The following OTUD7A variants were observed in gnomAD, a reference collection of about 807,000 sequenced individuals.
OTUD7A encodes OTU deubiquitinase 7A.
In OTUD7A, 12 loss-of-function variants were observed where a neutral mutation model predicts 65.7. The observed-to-expected ratio is 0.18, with a 90% CI of 0.12 to 0.30. OTUD7A has a LOEUF of 0.30. Among genes scored for constraint, OTUD7A ranks in the 10% least tolerant of loss-of-function variants. The probability of loss-of-function intolerance (pLI) is 1.00; values close to 1 mark genes in which losing one functional copy is unlikely to be tolerated. For synonymous variants in OTUD7A, 641 were observed against 586.3 expected, an observed-to-expected ratio of 1.09 and a Z score of -1.35; for missense variants, 1,148 against 1,304.8, an observed-to-expected ratio of 0.88 and a Z score of 1.85.
At chr15:31,527,377 C>T in intron 6 of OTUD7A, 69 bp from the exon 7 acceptor site, 1 of 1,562,046 alleles carries the variant, frequency 6.4e-7, no homozygotes, top group Non-Finnish European at 8.7e-7. Context: ...AGAGGTGATG[C>T]AAACTACCAC....
intron 1 of OTUD7A, among the ~76,000 whole-genome samples, chr15:31,686,448 C>T (rs990740513): frequency 1.3e-5 from 2 of 152,254 alleles, no homozygotes; most frequent in African/African-American, 4.8e-5. Flanking sequence ...AAGTGAAACT[C>T]AGTGATTTCC....
At position 31,481,636 on chromosome 15, in the gene OTUD7A, A is replaced by C. The variant is rs1282132752; in HGVS notation, c.*1658T>G. 5 of 152,336 alleles carry C rather than the reference A, an allele frequency of 3.3e-5. No individual in the cohort carries two copies. Among genetic ancestry groups the C allele is most frequent in the Non-Finnish European group, 7.3e-5 (5 of 68,044 alleles). The allele number at this position is 152,336 out of a possible 1,614,324, so 9.4% of individuals were successfully genotyped here. A position where few individuals can be genotyped will look rare whatever the true frequency, so the allele number is the denominator to read the frequency against. ...TATGCAAAACTTGAACAAATTACTG[A>C]AAACTCCACCTGCTGTGGAATAATT... On this transcript the variant is annotated 3_prime_UTR_variant, in exon 13 of 13. Coordinates refer to ENST00000307050, the MANE Select transcript of OTUD7A (RefSeq NM_001382637.1).
At position 31,753,721 on chromosome 15, in the gene OTUD7A, TTATATATATATA is replaced by T. The variant is rs149582805; in HGVS notation, c.-99-96656_-99-96645del. Among the ~76,000 whole-genome samples the T allele has an allele frequency of 4.3e-3, 459 of 106,752 alleles. 15 individuals are homozygous for T. The highest frequency in any genetic ancestry group is 5.7e-3 in the Non-Finnish European group (327 of 56,934). 70.0% of individuals were successfully genotyped at this position (106,752 alleles called of 152,430 possible). ...TATATATTATATATATATATATATA[TTATATATATATA>T]TATATATCTCACAGTTTCTTTATCC... On this transcript the variant is annotated intron_variant, in intron 1 of 12. Transcript: ENST00000307050.
chr15:31,488,060 C>A (rs1225083654), intron 10 of OTUD7A, among the ~76,000 whole-genome samples: 2 of 152,094 alleles, frequency 1.3e-5, no homozygotes, highest in Non-Finnish European at 1.5e-5. Context: ...ACCCATGGAC[C>A]CACCCGCCCC....
chr15:31,669,445 G>A (rs1218175822), intron 1 of OTUD7A, among the ~76,000 whole-genome samples: 3 of 152,132 alleles, frequency 2.0e-5, no homozygotes, highest in Non-Finnish European at 4.4e-5. Flanking sequence ...GCCGGCAGTC[G>A]CAGGCCTCAC....
At chr15:31,685,077 G>A (rs1448692861) in intron 1 of OTUD7A, among the ~76,000 whole-genome samples, 1 of 152,184 alleles carries the variant, frequency 6.6e-6, no homozygotes, top group Non-Finnish European at 1.5e-5. Context: ...ATGATTTCTG[G>A]AATCTGTGAT....
intron 1 of OTUD7A, chr15:31,768,323 G>T: frequency 1.6e-6 from 1 of 616,518 alleles, no homozygotes; most frequent in South Asian, 1.9e-5. Context: ...TAGCATAGAG[G>T]GCTGCGTGGA....
intron 3 of OTUD7A, among the ~76,000 whole-genome samples, chr15:31,618,151 G>A (rs1473705105): frequency 2.6e-5 from 4 of 152,014 alleles, no homozygotes; most frequent in Admixed American, 6.5e-5. Context: ...GTGTATATGT[G>A]CCACATTTTC....
At chr15:31,504,676 A>G (rs537462676) in intron 8 of OTUD7A, among the ~76,000 whole-genome samples, 3 of 76,292 alleles carry the variant, frequency 3.9e-5, no homozygotes, top group African/African-American at 6.7e-5. Context: ...TGTTTGAGGA[A>G]TGCTCAGAAT....
At chr15:31,785,025 G>A (rs2140930630) in intron 1 of OTUD7A, among the ~76,000 whole-genome samples, 1 of 152,270 alleles carries the variant, frequency 6.6e-6, no homozygotes, top group Non-Finnish European at 1.5e-5. Context: ...TCTATACCCT[G>A]CAAGTATGGC....
Position 31,765,235 on chromosome 15 carries a change from T to C in OTUD7A, c.-100+105272A>G, listed in dbSNP as rs190223277. Among the ~76,000 whole-genome samples, 476 of 152,066 alleles carry C rather than the reference T, an allele frequency of 3.1e-3. 12 individuals carry two copies. Among genetic ancestry groups the C allele is most frequent in the Admixed American group, 0.029 (436 of 15,290 alleles). On this transcript the variant is annotated intron_variant, in intron 1 of 12. Transcript: ENST00000307050. The stretch of plus-strand genomic sequence containing the variant: ...TATACATATTTTAAAAACACATACA[T>C]ATATATATAAATAGATCAAAAGTGG...
At chr15:31,832,737 T>A (rs1198085751) in intron 1 of OTUD7A, among the ~76,000 whole-genome samples, 3 of 152,228 alleles carry the variant, frequency 2.0e-5, no homozygotes, top group Non-Finnish European at 2.9e-5. Flanking sequence ...CTTAGCATAA[T>A]GTCCTTGAGG....
At chr15:31,763,819 T>C (rs1352529047) in intron 1 of OTUD7A, among the ~76,000 whole-genome samples, 1 of 152,274 alleles carries the variant, frequency 6.6e-6, no homozygotes, top group Middle Eastern at 3.4e-3. Flanking sequence ...GCATTATAAA[T>C]AGGAGAACAA....
At chr15:31,711,237 C>A (rs1322940584) in intron 1 of OTUD7A, among the ~76,000 whole-genome samples, 2 of 152,154 alleles carry the variant, frequency 1.3e-5, no homozygotes, top group East Asian at 1.9e-4. Context: ...TAACAATGAT[C>A]TAGAATCCTA....
chr15:31,487,426 G>C lies in OTUD7A; in HGVS notation c.1286+26C>G, dbSNP rs1446384748. On this transcript the variant is annotated intron_variant, in intron 11 of 12. Coordinates refer to ENST00000307050, the MANE Select transcript of OTUD7A (RefSeq NM_001382637.1). The surrounding 1 kb of genome is among the most constrained non-coding windows in gnomAD (Gnocchi z 6.0). ...GCCATAGCCCTCCCTGTGGGCGCTG[G>C]GGAAAGGGACAGAGTAGGATCTTAC... 6.2e-7 allele frequency: 1 copy of C among 1,609,408 alleles called. No homozygotes were observed. The highest frequency in any genetic ancestry group is 8.5e-7 in the Non-Finnish European group (1 of 1,176,906).
At chr15:31,627,304 T>C (rs1487845820) in intron 3 of OTUD7A, among the ~76,000 whole-genome samples, 1 of 140,824 alleles carries the variant, frequency 7.1e-6, no homozygotes. Flanking sequence ...TGTGTTCTCA[T>C]TGTTCAATTC....
intron 1 of OTUD7A, among the ~76,000 whole-genome samples, chr15:31,735,885 A>G (rs1894176688): frequency 6.6e-6 from 1 of 152,258 alleles, no homozygotes; most frequent in African/African-American, 2.4e-5. Flanking sequence ...CAACCATAAA[A>G]AAGAATGAGA....
At chr15:31,589,924 A>G (rs990311146) in intron 3 of OTUD7A, among the ~76,000 whole-genome samples, 1 of 152,226 alleles carries the variant, frequency 6.6e-6, no homozygotes, top group Admixed American at 6.5e-5. Flanking sequence ...TTCTTATGAT[A>G]AAAGGATAAT....
At chr15:31,515,526 A>G (rs2041832199) in intron 8 of OTUD7A, among the ~76,000 whole-genome samples, 1 of 151,980 alleles carries the variant, frequency 6.6e-6, no homozygotes, top group African/African-American at 2.4e-5. Context: ...CCCTCAGAGA[A>G]CTCTGCCTTC....
Sources: allele counts gnomAD v4.1 joint callset (sites outside exome capture counted in the v4.1 genomes callset), GRCh38; gene constraint gnomAD v4.1.1; non-coding constraint Gnocchi (gnomAD v3.1); transcripts MANE v1.5; gene names NCBI Gene and HGNC (gene_info 2026-07-23, HGNC 2026-07-21).